Variants in OPRD1 observed in about 807,000 individuals in gnomAD.
OPRD1 encodes the protein delta-type opioid receptor.
OPRD1 carries 19 observed loss-of-function variants against 17.5 expected under a neutral mutation model. The ratio of observed to expected loss-of-function variants is 1.09; its 90% confidence interval spans 0.76 to 1.60. The LOEUF (loss-of-function observed/expected upper bound fraction) is 1.60. OPRD1 is among the 40% of genes most tolerant of loss of function. The probability of loss-of-function intolerance (pLI) is 0.00; values close to 1 mark genes in which losing one functional copy is unlikely to be tolerated. For missense variants in OPRD1, 483 were observed against 547.2 expected (o/e 0.88, Z 1.17); for synonymous variants, 256 against 240.9 (o/e 1.06, Z -0.58).
At position 28,828,846 on chromosome 1, in the gene OPRD1, C is replaced by T. The variant is rs922784486; in HGVS notation, c.227+16236C>T. Among the ~76,000 whole-genome samples, 17 of 151,786 alleles carry T rather than the reference C, an allele frequency of 1.1e-4. No homozygotes were observed. The South Asian group carries it at 1.3e-3, about 11-fold the overall frequency. ...CTCTACTAAAAATACAAAAATTAGCCGGGTGTGATGATGTGCACCTGTAAT... is the reference window on the plus strand; with the variant it reads ...CTCTACTAAAAATACAAAAATTAGCTGGGTGTGATGATGTGCACCTGTAAT... On this transcript the variant is annotated intron_variant, in intron 1 of 2. Transcript: ENST00000234961.
At chr1:28,831,615 G>T (rs970743057) in intron 1 of OPRD1, among the ~76,000 whole-genome samples, 1 of 152,124 alleles carries the variant, frequency 6.6e-6, no homozygotes, top group Non-Finnish European at 1.5e-5. Context: ...AGTGATCATG[G>T]CTCACTGCAG....
intron 1 of OPRD1, among the ~76,000 whole-genome samples, chr1:28,818,923 T>G (rs2088690989): frequency 6.6e-6 from 1 of 151,764 alleles, no homozygotes; most frequent in Admixed American, 6.6e-5. Context: ...ATGGTAAGGT[T>G]GGCGTGCTGG....
intron 1 of OPRD1, among the ~76,000 whole-genome samples, chr1:28,852,186 A>G (rs113671344): frequency 1.4e-5 from 2 of 140,646 alleles, no homozygotes; most frequent in African/African-American, 5.1e-5. Context: ...AAAAAAAAAA[A>G]GAAAAGAAAG....
At chr1:28,815,873 C>T (rs1441337113) in intron 1 of OPRD1, among the ~76,000 whole-genome samples, 2 of 152,098 alleles carry the variant, frequency 1.3e-5, no homozygotes, top group African/African-American at 4.8e-5. Flanking sequence ...GAAGGAAAGC[C>T]GGGTGGTGTA....
intron 2 of OPRD1, among the ~76,000 whole-genome samples, chr1:28,861,908 CTTTTCTT>C (rs1213787379): frequency 6.9e-6 from 1 of 144,156 alleles, no homozygotes; most frequent in Non-Finnish European, 1.5e-5. Context: ...CTTTTCTTTT[CTTTTCTT>C]TTTTTTTTTT....
intron 1 of OPRD1, among the ~76,000 whole-genome samples, chr1:28,837,071 G>A (rs2088859700): frequency 6.6e-6 from 1 of 152,102 alleles, no homozygotes; most frequent in African/African-American, 2.4e-5. Flanking sequence ...GGGCTCCTGA[G>A]CTTGTTTTCC....
chr1:28,840,273 A>T (rs2088884749), intron 1 of OPRD1, among the ~76,000 whole-genome samples: 2 of 152,110 alleles, frequency 1.3e-5, no homozygotes, highest in Non-Finnish European at 1.5e-5. Context: ...TATATATATG[A>T]GATAGAGTCT....
intron 1 of OPRD1, among the ~76,000 whole-genome samples, chr1:28,829,005 GGAGA>G (rs2088790503): frequency 6.7e-6 from 1 of 150,326 alleles, no homozygotes; most frequent in Non-Finnish European, 1.5e-5. Flanking sequence ...AAAAAAAAAA[GGAGA>G]GAGAGGGAGC....
rs1569657189 is a variant in OPRD1 at position 28,860,712 on chromosome 1, A to T, written c.577+1409A>T. Among the ~76,000 whole-genome samples, 3 of 152,304 alleles carry T rather than the reference A, an allele frequency of 2.0e-5. No individual in the cohort carries two copies. The Middle Eastern group carries it at 0.01, about 518-fold the overall frequency. ...TTTACTTAGGGTCACACAGCCAGGC[A>T]TTTTGTGGAATTTGGCCTGCAACCT... On this transcript the variant is annotated intron_variant, in intron 2 of 2. Coordinates refer to ENST00000234961, the MANE Select transcript of OPRD1 (RefSeq NM_000911.4).
At position 28,862,830 on chromosome 1, in the gene OPRD1, C is replaced by T; in HGVS notation, c.666C>T (p.Phe222=). The change falls in exon 3 of 3, where the codon TTC becomes TTT. Residue 222 remains phenylalanine, a synonymous_variant. Transcript: ENST00000234961. ...VTKICVFLFA[F]VVPILIITVC... is the part of the protein sequence containing the mutation. ...AGATCTGCGTGTTCCTCTTCGCCTT[C>T]GTGGTGCCCATCCTCATCATCACCG... The T allele has an allele frequency of 6.2e-7, 1 of 1,613,324 alleles. No homozygotes were observed. The highest frequency in any genetic ancestry group is 1.1e-5 in the South Asian group (1 of 91,090).
At chr1:28,833,136 A>G (rs1442749910) in intron 1 of OPRD1, among the ~76,000 whole-genome samples, 5 of 152,206 alleles carry the variant, frequency 3.3e-5, no homozygotes, top group Non-Finnish European at 5.9e-5. Context: ...CAACACTTCT[A>G]TGAGGTAGGA....
chr1:28,856,024 G>A (rs370318134), intron 1 of OPRD1, among the ~76,000 whole-genome samples: 16 of 152,302 alleles, frequency 1.1e-4, no homozygotes, highest in South Asian at 1.0e-3. Context: ...AGTTTATTCC[G>A]TCATTCAAAA....
intron 1 of OPRD1, among the ~76,000 whole-genome samples, chr1:28,814,739 A>C (rs2088660238): frequency 6.6e-6 from 1 of 152,202 alleles, no homozygotes; most frequent in Non-Finnish European, 1.5e-5. Context: ...GCATTCCCAC[A>C]CAGCCTTCCC....
chr1:28,812,385 T>TGGAACCGGCCCCCTC lies in OPRD1; in HGVS notation c.3_17dup (p.Glu2_Ser6dup). 1 of 1,402,122 alleles carries TGGAACCGGCCCCCTC rather than the reference T, an allele frequency of 7.1e-7. No homozygotes were observed. Among genetic ancestry groups the TGGAACCGGCCCCCTC allele is most frequent in the Non-Finnish European group, 9.2e-7 (1 of 1,085,270 alleles). The allele number at this position is 1,402,122 out of a possible 1,614,324, so 86.9% of individuals were successfully genotyped here. A position where few individuals can be genotyped will look rare whatever the true frequency, so the allele number is the denominator to read the frequency against. On this transcript the variant is annotated inframe_insertion, in exon 1 of 3. Transcript: ENST00000234961. ...ACGCGGCGGAGCCGGCCGGCAGCCA[T>TGGAACCGGCCCCCTC]GGAACCGGCCCCCTCCGCCGGCGCC...
chr1:28,855,532 G>A lies in OPRD1; in HGVS notation c.228-3422G>A, dbSNP rs146273546. On this transcript the variant is annotated intron_variant, in intron 1 of 2. Transcript: ENST00000234961. Reference sequence around the variant, plus strand: ...GGGAGTCTACGGTGGCCAGAAGGACGGGGCGTGGCTGTGGGTGGAGGGGAG... The same window carrying A: ...GGGAGTCTACGGTGGCCAGAAGGACAGGGCGTGGCTGTGGGTGGAGGGGAG... Among the ~76,000 whole-genome samples, 143 of 152,220 alleles carry A rather than the reference G, an allele frequency of 9.4e-4. No individual in the cohort carries two copies. The Middle Eastern group carries it at 0.01, about 11-fold the overall frequency.
intron 1 of OPRD1, among the ~76,000 whole-genome samples, chr1:28,836,004 G>A (rs1314561117): frequency 1.3e-5 from 2 of 152,180 alleles, no homozygotes; most frequent in Non-Finnish European, 2.9e-5. Context: ...GGCACATAGT[G>A]AGCGCTCGTA....
At chr1:28,846,745 G>T (rs868643681) in intron 1 of OPRD1, among the ~76,000 whole-genome samples, 15 of 149,304 alleles carry the variant, frequency 1.0e-4, no homozygotes, top group African/African-American at 3.4e-4. Flanking sequence ...GGCCTCTCTT[G>T]TAAGTGCAGT....
rs1255572625 is a variant in OPRD1, at chr1:28,812,600, G to C, written c.217G>C (p.Gly73Arg). 21 of 1,535,212 alleles carry C rather than the reference G, an allele frequency of 1.4e-5. No homozygotes were observed. In the Admixed American group the frequency reaches 3.8e-4, roughly 28 times the overall value. Reference protein sequence around the residue: ...GLLGNVLVMFGIVRYTKMKTA... With the variant: ...GLLGNVLVMFRIVRYTKMKTA... ...GCTGGGCAACGTGCTTGTCATGTTC[G>C]GCATCGTCCGGTGAGTCCGCTGCGG... is the stretch of plus-strand genomic sequence containing the variant. Residue 73 changes from glycine (G) to arginine (R), a missense_variant, in exon 1 of 3, where the codon GGC (glycine) becomes CGC (arginine). Physicochemically the swap from Gly to Arg is moderately radical, Grantham distance 125. Transcript: ENST00000234961.
In OPRD1 at chr1:28,824,313, CTTTTTT is replaced by C. The variant is rs58074384; in HGVS notation, c.227+11717_227+11722del. ...TGGATGATGGTTCTTTTTCTTTTTT[CTTTTTT>C]TTTTTTTTTTTTTGAGATGGCGTCT... On this transcript the variant is annotated intron_variant, in intron 1 of 2. Transcript: ENST00000234961. Among the ~76,000 whole-genome samples, 17 of 109,812 alleles carry C rather than the reference CTTTTTT, an allele frequency of 1.5e-4. 1 individual carries two copies. Among genetic ancestry groups the C allele is most frequent in the African/African-American group, 6.2e-4 (17 of 27,360 alleles). The allele number at this position is 109,812 out of a possible 152,430, so 72.0% of individuals were successfully genotyped here. A position where few individuals can be genotyped will look rare whatever the true frequency, so the allele number is the denominator to read the frequency against.
Sources: gnomAD v4.1 joint callset for allele counts (sites outside exome capture counted in the v4.1 genomes callset) on GRCh38, gnomAD v4.1.1 for gene constraint, MANE v1.5 for transcripts, NCBI Gene and HGNC (gene_info 2026-07-23, HGNC 2026-07-21) for gene names.